The following DYNC1LI1 variants were observed in gnomAD, a reference collection of about 807,000 sequenced individuals.
DYNC1LI1 encodes dynein cytoplasmic 1 light intermediate chain 1.
Under a neutral mutation model 63.8 loss-of-function variants are expected in DYNC1LI1, and 19 were observed. The observed-to-expected ratio is 0.30, with a 90% CI of 0.21 to 0.44. DYNC1LI1 has a LOEUF of 0.44. Ranked by LOEUF, DYNC1LI1 falls within the 20% of genes least tolerant of loss-of-function variation. DYNC1LI1 has a pLI of 1.00. For missense variants in DYNC1LI1, 565 were observed against 630.2 expected (o/e 0.90, Z 1.11); for synonymous variants, 225 against 232.3 (o/e 0.97, Z 0.28).
At chr3:32,529,759 T>A in intron 10 of DYNC1LI1, 99 bp from the exon 11 acceptor site, 1 of 1,046,608 alleles carries the variant, frequency 9.6e-7, no homozygotes. Flanking sequence ...CTATCCCCTG[T>A]TCTACTGGTA....
chr3:32,540,141 T>C (rs898831814), intron 5 of DYNC1LI1, among the ~76,000 whole-genome samples: 2 of 151,814 alleles, frequency 1.3e-5, no homozygotes, highest in Non-Finnish European at 2.9e-5. Flanking sequence ...AGTGCTGGGA[T>C]TACAGGTGTG....
intron 5 of DYNC1LI1, among the ~76,000 whole-genome samples, chr3:32,539,390 A>G (rs1042297575): frequency 6.6e-6 from 1 of 152,100 alleles, no homozygotes; most frequent in Non-Finnish European, 1.5e-5. Flanking sequence ...TTAATTTTAC[A>G]TGTGCAAATT....
chr3:32,527,251 C>A (rs1166393951), intron 12 of DYNC1LI1, among the ~76,000 whole-genome samples: 1 of 152,052 alleles, frequency 6.6e-6, no homozygotes. Context: ...GAGCTGAGAT[C>A]ACACCACTGC....
At chr3:32,561,279 G>A (rs545332640) in intron 2 of DYNC1LI1, among the ~76,000 whole-genome samples, 6 of 151,526 alleles carry the variant, frequency 4.0e-5, no homozygotes, top group African/African-American at 1.5e-4. Context: ...AGATTAAAAT[G>A]AATAATACTT....
At chr3:32,568,950 A>G (rs1452992807) in intron 2 of DYNC1LI1, among the ~76,000 whole-genome samples, 1 of 152,154 alleles carries the variant, frequency 6.6e-6, no homozygotes, top group Non-Finnish European at 1.5e-5. Flanking sequence ...TTTTTGCCCT[A>G]TGAATATCAC....
chr3:32,534,246 G>T (rs1697744072), intron 7 of DYNC1LI1, among the ~76,000 whole-genome samples: 1 of 152,086 alleles, frequency 6.6e-6, no homozygotes, highest in Non-Finnish European at 1.5e-5. Context: ...TAAAGAATAA[G>T]CAGATACAAT....
At chr3:32,570,521 CA>C in intron 1 of DYNC1LI1, 102 bp from the exon 2 acceptor site, 2 of 1,478,386 alleles carry the variant, frequency 1.4e-6, no homozygotes, top group Non-Finnish European at 1.8e-6. Flanking sequence ...GCCGGGAACG[CA>C]GTGGCCGGGC....
chr3:32,526,848 G>A lies in DYNC1LI1; in HGVS notation c.1523C>T (p.Thr508Ile). ...AGATGTAGGTGTTGTGGGAGAAACT[G>A]TAACTGGTTTTCGTGTAATTCTGTC... ...ELDRITRKPVTVSPTTPTSPT... is the reference protein window; with the variant it reads ...ELDRITRKPVIVSPTTPTSPT... The change falls in exon 13 of 13, where the codon ACA (threonine) becomes ATA (isoleucine). Residue 508 changes from threonine to isoleucine, a missense_variant. By Grantham distance (89) the Thr-to-Ile change is moderately conservative. Coordinates refer to ENST00000273130, the MANE Select transcript of DYNC1LI1 (RefSeq NM_016141.4). 6.2e-7 allele frequency: 1 copy of A among 1,613,950 alleles called. No individual in the cohort carries two copies. Among genetic ancestry groups the A allele is most frequent in the Non-Finnish European group, 8.5e-7 (1 of 1,179,890 alleles).
At chr3:32,536,342 T>C (rs1458316380) in intron 6 of DYNC1LI1, among the ~76,000 whole-genome samples, 1 of 152,192 alleles carries the variant, frequency 6.6e-6, no homozygotes, top group Non-Finnish European at 1.5e-5. Flanking sequence ...GTGAGTTTAC[T>C]CTTCAGTGCA....
At chr3:32,528,112 C>CAA (rs60912161) in intron 12 of DYNC1LI1, among the ~76,000 whole-genome samples, 374 of 29,842 alleles carry the variant, frequency 0.013, 25 homozygotes, top group Non-Finnish European at 0.017. Context: ...GACTCCATCT[C>CAA]AAAAAAAAAA....
chr3:32,544,817 T>G, intron 4 of DYNC1LI1, 59 bp downstream of exon 4: 1 of 1,246,704 alleles, frequency 8.0e-7, no homozygotes, highest in Non-Finnish European at 1.2e-6. Context: ...TCCTAATGAT[T>G]AAAGTCAGCC....
chr3:32,532,641 G>A (rs1053663560), intron 8 of DYNC1LI1: 2 of 172,686 alleles, frequency 1.2e-5, no homozygotes, highest in Non-Finnish European at 1.2e-5. Context: ...CAAGCTCTAG[G>A]TTGGAAAGTT....
chr3:32,552,208 T>C (rs559997607), intron 2 of DYNC1LI1, among the ~76,000 whole-genome samples: 1 of 152,262 alleles, frequency 6.6e-6, no homozygotes, highest in East Asian at 1.9e-4. Context: ...CCCTTAAATA[T>C]TACCTCCTCA....
intron 5 of DYNC1LI1, among the ~76,000 whole-genome samples, chr3:32,539,256 A>AT (rs1160424452): frequency 6.6e-6 from 1 of 152,168 alleles, no homozygotes; most frequent in African/African-American, 2.4e-5. Context: ...TAACTTAATT[A>AT]TTTTAAGTGC....
intron 2 of DYNC1LI1, among the ~76,000 whole-genome samples, chr3:32,561,034 CAAA>C (rs1698186478): frequency 3.9e-5 from 2 of 51,920 alleles, no homozygotes; most frequent in African/African-American, 1.8e-4. Context: ...AAAAAAAAAA[CAAA>C]CAAAAAAAAC....
chr3:32,562,548 C>T (rs1175889402), intron 2 of DYNC1LI1, among the ~76,000 whole-genome samples: 7 of 152,108 alleles, frequency 4.6e-5, no homozygotes, highest in Admixed American at 4.6e-4. Context: ...GCTGTATTAC[C>T]CAGGCTGGTC....
chr3:32,564,969 T>G (rs1698239337), intron 2 of DYNC1LI1, among the ~76,000 whole-genome samples: 1 of 152,212 alleles, frequency 6.6e-6, no homozygotes, highest in African/African-American at 2.4e-5. Context: ...GCATAATAGT[T>G]TTATTCCTGA....
chr3:32,569,840 T>C (rs1185160230), intron 2 of DYNC1LI1, among the ~76,000 whole-genome samples: 1 of 152,224 alleles, frequency 6.6e-6, no homozygotes, highest in Non-Finnish European at 1.5e-5. Flanking sequence ...ACAGTTAAGG[T>C]AGCTGCAACA....
rs1697717190 is a variant in DYNC1LI1 at position 32,532,649 on chromosome 3, G to C, written c.1080+337C>G. 1.7e-5 allele frequency: 3 copies of C among 178,554 alleles called. No individual in the cohort carries two copies. In the Admixed American group the frequency reaches 1.9e-4, roughly 11 times the overall value. 11.1% of individuals were successfully genotyped at this position (178,554 alleles called of 1,614,324 possible). ...TCTTGGCCAAGCTCTAGGTTGGAAA[G>C]TTCACAGCTTCTACCTATTCAAACT... is the stretch of plus-strand genomic sequence containing the variant. On this transcript the variant is annotated intron_variant, in intron 8 of 12. Transcript: ENST00000273130.
Sources: allele counts gnomAD v4.1 joint callset (sites outside exome capture counted in the v4.1 genomes callset), GRCh38; gene constraint gnomAD v4.1.1; transcripts MANE v1.5; gene names NCBI Gene and HGNC (gene_info 2026-07-23, HGNC 2026-07-21).